CHST3: variants seen among roughly 807,000 people sequenced by gnomAD.
CHST3 encodes carbohydrate sulfotransferase 3.
CHST3 carries 20 observed loss-of-function variants against 35.4 expected under a neutral mutation model. The observed-to-expected ratio is 0.57, with a 90% CI of 0.40 to 0.82. CHST3 has a LOEUF of 0.82. Ranked by LOEUF, CHST3 falls within the 40% of genes least tolerant of loss-of-function variation. CHST3 has a pLI of 0.00. For synonymous variants in CHST3, 334 were observed against 295.9 expected (o/e 1.13, Z -1.32); for missense variants, 693 against 670.1 (o/e 1.03, Z -0.38).
intron 1 of CHST3, among the ~76,000 whole-genome samples, chr10:71,994,188 C>T (rs543485007): frequency 1.3e-5 from 2 of 151,886 alleles, no homozygotes; most frequent in African/African-American, 2.4e-5. Context: ...TCACTTGAGC[C>T]CAGGAGTTTG....
chr10:72,003,238 G>C (rs1371482878), intron 1 of CHST3, among the ~76,000 whole-genome samples: 1 of 152,228 alleles, frequency 6.6e-6, no homozygotes, highest in Non-Finnish European at 1.5e-5. Context: ...CCCAACCAGA[G>C]TGCAAGCCCC....
intron 1 of CHST3, among the ~76,000 whole-genome samples, chr10:72,003,254 G>GGCACAGA (rs1457356413): frequency 6.6e-6 from 1 of 152,176 alleles, no homozygotes; most frequent in Non-Finnish European, 1.5e-5. Flanking sequence ...GCCCCGGGAG[G>GGCACAGA]GCACAGACCA....
intron 1 of CHST3, among the ~76,000 whole-genome samples, chr10:71,972,650 C>T (rs1184345361): frequency 6.6e-6 from 1 of 152,166 alleles, no homozygotes; most frequent in Non-Finnish European, 1.5e-5. Flanking sequence ...AGACAGGAAC[C>T]CCACCCCGAG....
In CHST3 at chr10:72,008,029, T is replaced by C. The variant is rs1274448964; in HGVS notation, c.998T>C (p.Leu333Pro). The change falls in exon 3 of 3, where the codon CTG (leucine) becomes CCG (proline). Residue 333 changes from leucine (L) to proline (P), a missense_variant. Leu to Pro is a moderately conservative substitution (Grantham distance 98). Coordinates refer to ENST00000373115, the MANE Select transcript of CHST3 (RefSeq NM_004273.5). ...KWLDDEGQDG[L>P]REEEVQRLRG... ...CTGGACGACGAGGGCCAGGACGGCC[T>C]GAGGGAAGAGGAGGTGCAGCGGCTG... 1 of 1,549,438 alleles carries C rather than the reference T, an allele frequency of 6.5e-7. No homozygotes were observed. Among genetic ancestry groups the C allele is most frequent in the Admixed American group, 2.0e-5 (1 of 50,982 alleles).
intron 1 of CHST3, among the ~76,000 whole-genome samples, chr10:72,002,219 T>C: frequency 1.3e-5 from 2 of 152,146 alleles, no homozygotes; most frequent in East Asian, 3.9e-4. Flanking sequence ...TGCTTCTTCC[T>C]CTTAGGGCAG....
At position 72,007,197 on chromosome 10, in the gene CHST3, C is replaced by G. The variant is rs267602570; in HGVS notation, c.166C>G (p.Pro56Ala). The G allele has an allele frequency of 1.2e-6, 2 of 1,614,170 alleles. No individual in the cohort carries two copies. Among genetic ancestry groups the G allele is most frequent in the Non-Finnish European group, 1.7e-6 (2 of 1,180,042 alleles). Reference protein sequence around the residue: ...SRVSDKLKQIPQALADANSTD... With the variant: ...SRVSDKLKQIAQALADANSTD... ...GGTCTCAGACAAGCTGAAGCAGATT[C>G]CCCAAGCTCTAGCAGATGCCAACAG... is the stretch of plus-strand genomic sequence containing the variant. Residue 56 changes from proline (P) to alanine (A), a missense_variant, in exon 3 of 3, where the codon CCC (proline) becomes GCC (alanine). Transcript: ENST00000373115.
chr10:72,007,582 C>G lies in CHST3; in HGVS notation c.551C>G (p.Ser184Trp). ...FEPGGANAAG[S>W]ALVYRDVLKQ... ...CCGGGGGGCGCCAACGCCGCGGGCT[C>G]GGCCCTGGTGTACCGCGACGTGCTC... Residue 184 changes from serine (S) to tryptophan (W), a missense_variant, in exon 3 of 3, where the codon TCG becomes TGG. Physicochemically the swap from Ser to Trp is radical, Grantham distance 177. Coordinates refer to ENST00000373115, the MANE Select transcript of CHST3 (RefSeq NM_004273.5). 1.9e-6 allele frequency: 3 copies of G among 1,608,788 alleles called. No individual in the cohort carries two copies. The highest frequency in any genetic ancestry group is 1.3e-5 in the African/African-American group (1 of 75,046).
At chr10:71,988,502 C>A (rs1450189885) in intron 1 of CHST3, among the ~76,000 whole-genome samples, 1 of 152,136 alleles carries the variant, frequency 6.6e-6, no homozygotes, top group African/African-American at 2.4e-5. Flanking sequence ...TGGCACCTCC[C>A]CATTCTCTAT....
intron 1 of CHST3, among the ~76,000 whole-genome samples, chr10:71,977,909 T>TAATCCC (rs1839762303): frequency 6.6e-6 from 1 of 151,984 alleles, no homozygotes; most frequent in Non-Finnish European, 1.5e-5. Context: ...TTAAAGAAGG[T>TAATCCC]CTCCCACCAG....
chr10:71,979,384 G>T (rs1354446530), intron 1 of CHST3, among the ~76,000 whole-genome samples: 1 of 152,038 alleles, frequency 6.6e-6, no homozygotes, highest in African/African-American at 2.4e-5. Context: ...CGGGAGGGGG[G>T]TTAGATGGCG....
intron 1 of CHST3, among the ~76,000 whole-genome samples, chr10:71,999,463 C>T (rs1839971306): frequency 6.6e-6 from 1 of 152,260 alleles, no homozygotes; most frequent in African/African-American, 2.4e-5. Context: ...CTCCTCTTTC[C>T]CATGCAGCTC....
At chr10:71,976,910 GA>G (rs1016499418) in intron 1 of CHST3, among the ~76,000 whole-genome samples, 2 of 152,180 alleles carry the variant, frequency 1.3e-5, no homozygotes, top group African/African-American at 4.8e-5. Flanking sequence ...GTGCAAAGTT[GA>G]AAAGGCACAA....
intron 1 of CHST3, among the ~76,000 whole-genome samples, chr10:71,969,021 A>G (rs1388920880): frequency 6.6e-6 from 1 of 151,938 alleles, no homozygotes; most frequent in Admixed American, 6.6e-5. Context: ...ATCAGCCTTC[A>G]CCTGACACCT....
At chr10:71,995,261 C>T (rs187361118) in intron 1 of CHST3, among the ~76,000 whole-genome samples, 5 of 152,026 alleles carry the variant, frequency 3.3e-5, no homozygotes, top group African/African-American at 1.2e-4. Flanking sequence ...CCCCTCTCTA[C>T]TAAAAATACA....
intron 1 of CHST3, among the ~76,000 whole-genome samples, chr10:71,973,039 T>C (rs191861966): frequency 7.2e-4 from 109 of 152,330 alleles, no homozygotes; most frequent in African/African-American, 2.5e-3. Context: ...TACCTGATTA[T>C]GGAAGGAATG....
chr10:72,007,242 T>G lies in CHST3; in HGVS notation c.211T>G (p.Leu71Val). The change falls in exon 3 of 3, where the codon TTA becomes GTA. Residue 71 changes from leucine (L) to valine (V), a missense_variant. Physicochemically the swap from Leu to Val is conservative, Grantham distance 32. Transcript: ENST00000373115. ...CAACAGCACCGACCCAGCCCTGATC[T>G]TAGCTGAGAACGCATCTCTCTTGTC... is the stretch of plus-strand genomic sequence containing the variant. ...DANSTDPALILAENASLLSLS... is the reference protein window; with the variant it reads ...DANSTDPALIVAENASLLSLS... 1 of 1,614,236 alleles carries G rather than the reference T, an allele frequency of 6.2e-7. No homozygotes were observed. The highest frequency in any genetic ancestry group is 8.5e-7 in the Non-Finnish European group (1 of 1,180,046).
At chr10:71,983,101 G>T (rs1277376352) in intron 1 of CHST3, among the ~76,000 whole-genome samples, 1 of 152,228 alleles carries the variant, frequency 6.6e-6, no homozygotes, top group Admixed American at 6.5e-5. Flanking sequence ...GTGGAGACCA[G>T]TTGGAAAGAT....
intron 1 of CHST3, among the ~76,000 whole-genome samples, chr10:71,997,879 G>A (rs571240521): frequency 1.3e-5 from 2 of 152,046 alleles, no homozygotes; most frequent in African/African-American, 2.4e-5. Flanking sequence ...TGTTGGCCAG[G>A]CTGGTCTTGA....
Position 72,007,418 on chromosome 10 carries a change from G to C in CHST3, c.387G>C (p.Ala129=). ...AGGAGCCGCCCAGACCGGCCGTGGC[G>C]GGGCCCCGGCGCCACGTGCTGCTCA... ...KEEEPPRPAV[A]GPRRHVLLMA... is the part of the protein sequence containing the mutation. The change falls in exon 3 of 3, where the codon GCG becomes GCC. Residue 129 remains alanine (A), a synonymous_variant. Transcript: ENST00000373115. 6.2e-7 allele frequency: 1 copy of C among 1,603,766 alleles called. No homozygotes were observed. Among genetic ancestry groups the C allele is most frequent in the South Asian group, 1.1e-5 (1 of 90,670 alleles).
Sources: allele counts gnomAD v4.1 joint callset (sites outside exome capture counted in the v4.1 genomes callset), GRCh38; gene constraint gnomAD v4.1.1; transcripts MANE v1.5; gene names NCBI Gene and HGNC (gene_info 2026-07-23, HGNC 2026-07-21).